The following PDE4A variants were observed in gnomAD, a reference collection of about 807,000 sequenced individuals.
PDE4A encodes phosphodiesterase 4A, also known as 3',5'-cyclic-AMP phosphodiesterase 4A.
Under a neutral mutation model 73.9 loss-of-function variants are expected in PDE4A, and 21 were observed. The observed-to-expected ratio is 0.28, with a 90% confidence interval of 0.20 to 0.41. The LOEUF is 0.41. Ranked by LOEUF, PDE4A falls within the 10% of genes least tolerant of loss-of-function variation. The pLI is 1.00. For synonymous variants in PDE4A, 463 were observed against 505.4 expected (o/e 0.92, Z 1.13); for missense variants, 958 against 1,211.4 (o/e 0.79, Z 3.10).
chr19:10,460,470 G>T (rs1462695983), intron 10 of PDE4A, among the ~76,000 whole-genome samples: 1 of 149,202 alleles, frequency 6.7e-6, no homozygotes, highest in Non-Finnish European at 1.5e-5. Context: ...CTGCACTCCA[G>T]CCTGGGCAAC....
Position 10,420,738 on chromosome 19 carries a change from C to G in PDE4A, c.-27C>G. On this transcript the variant is annotated 5_prime_UTR_variant, in exon 1 of 15. Transcript: ENST00000380702. The surrounding 1 kb of genome is among the most constrained non-coding windows in gnomAD (Gnocchi z 6.0). The stretch of plus-strand genomic sequence containing the variant: ...GTGTAGGTTGGAAGGGCCAGGGCCC[C>G]CTGGGGCGCAAGTGGGGGCCGGCGC... 1.3e-6 allele frequency: 2 copies of G among 1,522,432 alleles called. No homozygotes were observed. Among genetic ancestry groups the G allele is most frequent in the Non-Finnish European group, 1.7e-6 (2 of 1,147,424 alleles). 94.3% of individuals were successfully genotyped at this position (1,522,432 alleles called of 1,614,324 possible).
At chr19:10,429,012 C>A (rs750933452) in intron 1 of PDE4A, 2 of 362,074 alleles carry the variant, frequency 5.5e-6, no homozygotes, top group African/African-American at 2.2e-5. Flanking sequence ...GGCTGAGGCA[C>A]GAGAATCCTT....
At chr19:10,423,730 G>T (rs1262670515) in intron 1 of PDE4A, among the ~76,000 whole-genome samples, 1 of 152,120 alleles carries the variant, frequency 6.6e-6, no homozygotes. Flanking sequence ...GGGGGACCTG[G>T]GTGGATCCCA....
At position 10,446,202 on chromosome 19, in the gene PDE4A, C is replaced by T. The variant is rs767474839; in HGVS notation, c.321-16C>T. On this transcript the variant is annotated splice_polypyrimidine_tract_variant and intron_variant, in intron 1 of 14. Transcript: ENST00000380702. Reference sequence around the variant, plus strand: ...GTTTCAGCCTCCTGACCCCTCTTCTCGCCCATCCCCTGCAGCTTCGAGGCA... The same window carrying T: ...GTTTCAGCCTCCTGACCCCTCTTCTTGCCCATCCCCTGCAGCTTCGAGGCA... The T allele has an allele frequency of 1.5e-5, 23 of 1,552,584 alleles. No individual in the cohort carries two copies. The highest frequency in any genetic ancestry group is 3.7e-4 in the Middle Eastern group (2 of 5,458).
At position 10,424,490 on chromosome 19, in the gene PDE4A, G is replaced by A. The variant is rs1252010177; in HGVS notation, c.320+3406G>A. On this transcript the variant is annotated intron_variant, in intron 1 of 14. Transcript: ENST00000380702. This position sits in a 1 kb window ranked among gnomAD's most constrained non-coding sequence, Gnocchi z 4.8. ...GGGTCTCCCCGCGCGCCCTCTGCTG[G>A]ACGACGAGGAAGGCACAGCCTGGGT... Among the ~76,000 whole-genome samples the A allele has an allele frequency of 6.6e-6, 1 of 152,262 alleles. No individual in the cohort carries two copies.
chr19:10,417,662 G>A (rs891281248), upstream of PDE4A: 4 of 1,592,654 alleles, frequency 2.5e-6, no homozygotes, highest in African/African-American at 5.4e-5. Context: ...CTCCCCAGAG[G>A]TCGAGGGAGA....
At chr19:10,464,464 T>A (rs1208149335) in intron 14 of PDE4A, 1 of 455,136 alleles carries the variant, frequency 2.2e-6, no homozygotes, top group East Asian at 6.9e-5. Context: ...TTGCCCAGGG[T>A]AGCATGCAGT....
chr19:10,462,784 C>T (rs371305573), intron 13 of PDE4A, among the ~76,000 whole-genome samples: 1 of 152,160 alleles, frequency 6.6e-6, no homozygotes, highest in East Asian at 1.9e-4. Flanking sequence ...CCCTCACCCC[C>T]CTTCCGACTC....
Position 10,462,017 on chromosome 19 carries a change from C to G in PDE4A, c.1743+18C>G. 6.2e-7 allele frequency: 1 copy of G among 1,604,494 alleles called. No homozygotes were observed. Among genetic ancestry groups the G allele is most frequent in the Middle Eastern group, 1.7e-4 (1 of 6,010 alleles). ...GCATCCAGGTGCCCCCACGCCCCAT[C>G]ATCTAAGGAGGGAGGACACTCCCCC... On this transcript the variant is annotated intron_variant, in intron 13 of 14. Transcript: ENST00000380702.
At chr19:10,421,416 G>A in intron 1 of PDE4A, 1 of 860,836 alleles carries the variant, frequency 1.2e-6, no homozygotes, top group Non-Finnish European at 1.4e-6. Flanking sequence ...GGAACCACTT[G>A]GAGGGACCTT....
At chr19:10,433,616 C>T (rs1049914267) in intron 1 of PDE4A, among the ~76,000 whole-genome samples, 1 of 152,194 alleles carries the variant, frequency 6.6e-6, no homozygotes, top group East Asian at 1.9e-4. Flanking sequence ...TGTGCGATGC[C>T]ACAGAGATGT....
intron 1 of PDE4A, among the ~76,000 whole-genome samples, chr19:10,438,009 A>T (rs943172968): frequency 6.6e-6 from 1 of 151,068 alleles, no homozygotes; most frequent in Non-Finnish European, 1.5e-5. Flanking sequence ...GGGCCTTGCC[A>T]TGTTTCCCAG....
chr19:10,449,244 G>A, intron 4 of PDE4A, 94 bp downstream of exon 4: 3 of 1,384,934 alleles, frequency 2.2e-6, no homozygotes, highest in Non-Finnish European at 2.0e-6. Flanking sequence ...TGGCAGGCAG[G>A]TGACCTCTCT....
chr19:10,420,940 G>T lies in PDE4A; in HGVS notation c.176G>T (p.Arg59Leu). Residue 59 changes from arginine to leucine, a missense_variant, in exon 1 of 15, where the codon CGG becomes CTG. Around this residue, in one of 3 missense-constraint regions of PDE4A, gnomAD observed 145 missense variants for 137.8 expected, o/e 1.05. Coordinates refer to ENST00000380702, the MANE Select transcript of PDE4A (RefSeq NM_001111307.2). The surrounding 1 kb of genome is among the most constrained non-coding windows in gnomAD (Gnocchi z 6.0). ...SDSAERAERE[R>L]QPHRPIERAD... Reference sequence around the variant, plus strand: ...AGCGCGGAGCGCGCCGAGCGGGAGCGGCAGCCGCACCGGCCCATAGAGCGC... The same window carrying T: ...AGCGCGGAGCGCGCCGAGCGGGAGCTGCAGCCGCACCGGCCCATAGAGCGC... The T allele has an allele frequency of 6.4e-7, 1 of 1,568,342 alleles. No individual in the cohort carries two copies. Among genetic ancestry groups the T allele is most frequent in the Non-Finnish European group, 8.6e-7 (1 of 1,166,372 alleles).
intron 4 of PDE4A, 62 bp downstream of exon 4, chr19:10,449,212 C>G: frequency 1.9e-6 from 3 of 1,549,996 alleles, no homozygotes; most frequent in Non-Finnish European, 2.6e-6. Context: ...GGGTTCTGCT[C>G]TCAGCCCTGC....
intron 1 of PDE4A, among the ~76,000 whole-genome samples, chr19:10,428,302 G>A (rs1599403574): frequency 6.6e-6 from 1 of 151,990 alleles, no homozygotes. Flanking sequence ...AGACTGCAGT[G>A]AGCTATGATC....
In PDE4A at chr19:10,458,573, C is replaced by G. The variant is rs1267017238; in HGVS notation, c.1101+471C>G. ...TGTAACCCTCTTTGAGCCACCTCCT[C>G]CAGTGAATCTTCCATTCAGTCACCT... On this transcript the variant is annotated intron_variant, in intron 8 of 14. Coordinates refer to ENST00000380702, the MANE Select transcript of PDE4A (RefSeq NM_001111307.2). This position sits in a 1 kb window ranked among gnomAD's most constrained non-coding sequence, Gnocchi z 4.6. Among the ~76,000 whole-genome samples the G allele has an allele frequency of 6.6e-6, 1 of 152,182 alleles. No homozygotes were observed. The highest frequency in any genetic ancestry group is 1.5e-5 in the Non-Finnish European group (1 of 68,034).
At chr19:10,416,812 C>G (rs1599389540), upstream of PDE4A, 2 of 1,518,856 alleles carry the variant, frequency 1.3e-6, no homozygotes, top group Non-Finnish European at 8.8e-7. Flanking sequence ...GTGGCGGGGG[C>G]GGGTTCTAGG....
intron 1 of PDE4A, among the ~76,000 whole-genome samples, chr19:10,428,487 G>A (rs1466017140): frequency 6.6e-6 from 1 of 152,008 alleles, no homozygotes; most frequent in East Asian, 1.9e-4. Flanking sequence ...CACCATCATC[G>A]TCATTATCAT....
Sources: gnomAD v4.1 joint callset for allele counts (sites outside exome capture counted in the v4.1 genomes callset) on GRCh38, gnomAD v4.1.1 for gene constraint, gnomAD v4.1.1 regional missense constraint, Gnocchi (gnomAD v3.1) non-coding constraint, MANE v1.5 for transcripts, NCBI Gene and HGNC (gene_info 2026-07-23, HGNC 2026-07-21) for gene names.